Variants in NIPBL observed in about 807,000 individuals in gnomAD.
NIPBL encodes NIPBL cohesin loading factor.
A neutral mutation model predicts 321.8 loss-of-function variants in NIPBL; 19 were observed. That is an observed-to-expected ratio of 0.06 (90% CI 0.04 to 0.09). The LOEUF (loss-of-function observed/expected upper bound fraction) is 0.09, where lower values mean the gene tolerates loss of function less well. Ranked by LOEUF, NIPBL falls within the 10% of genes least tolerant of loss-of-function variation. The probability of loss-of-function intolerance (pLI) is 1.00; values close to 1 mark genes in which losing one functional copy is unlikely to be tolerated. For missense variants in NIPBL, 2,210 were observed against 3,327.0 expected (o/e 0.66, Z 8.26); for synonymous variants, 1,106 against 1,114.1 (o/e 0.99, Z 0.14).
At chr5:36,990,581 T>TA (rs1266060986) in intron 10 of NIPBL, among the ~76,000 whole-genome samples, 1 of 152,216 alleles carries the variant, frequency 6.6e-6, no homozygotes, top group Non-Finnish European at 1.5e-5. Context: ...TAAAGATTGA[T>TA]ATCAGTGATA....
intron 5 of NIPBL, 44 bp from the exon 6 acceptor site, chr5:36,962,079 T>C (rs1335199805): frequency 6.2e-7 from 1 of 1,608,372 alleles, no homozygotes; most frequent in South Asian, 1.1e-5. Context: ...ATAGCGTGTT[T>C]ATTTTATTTC....
chr5:36,932,783 T>G (rs1049185568), intron 1 of NIPBL, among the ~76,000 whole-genome samples: 1 of 148,054 alleles, frequency 6.8e-6, no homozygotes, highest in East Asian at 1.9e-4. Flanking sequence ...CTGCTGTTTT[T>G]TTTTTTTTTT....
chr5:37,039,278 C>CT (rs1198118200), intron 34 of NIPBL, among the ~76,000 whole-genome samples: 5 of 150,424 alleles, frequency 3.3e-5, no homozygotes, highest in African/African-American at 1.2e-4. Flanking sequence ...TTCATACAGT[C>CT]TTTTTTAATT....
chr5:37,028,111 C>G lies in NIPBL; in HGVS notation c.5862+699C>G, dbSNP rs74427928. ...ATGCATAGAATTTCCTTTAGTAGTA[C>G]AGAGTCAAACCACAACTAGTGGGTT... On this transcript the variant is annotated intron_variant, in intron 32 of 46. Coordinates refer to ENST00000282516, the MANE Select transcript of NIPBL (RefSeq NM_133433.4). 1.6e-3 allele frequency among the ~76,000 whole-genome samples: 248 copies of G among 151,840 alleles called. 3 individuals are homozygous for G. The highest frequency in any genetic ancestry group is 5.8e-3 in the African/African-American group (241 of 41,412).
At chr5:37,032,768 C>CT (rs996855014) in intron 32 of NIPBL, among the ~76,000 whole-genome samples, 3 of 152,068 alleles carry the variant, frequency 2.0e-5, no homozygotes, top group Non-Finnish European at 4.4e-5. Context: ...GAGTGAGACT[C>CT]TATCTCACTC....
At chr5:36,915,229 A>G (rs1010020576) in intron 1 of NIPBL, among the ~76,000 whole-genome samples, 2 of 152,168 alleles carry the variant, frequency 1.3e-5, no homozygotes, top group African/African-American at 4.8e-5. Context: ...TGAAATCTAT[A>G]TAAACTTTAG....
chr5:36,940,713 AC>A (rs1738972727), intron 1 of NIPBL, among the ~76,000 whole-genome samples: 1 of 152,182 alleles, frequency 6.6e-6, no homozygotes, highest in African/African-American at 2.4e-5. Flanking sequence ...CTGGAATCAG[AC>A]TTGGGCAAGT....
In NIPBL at chr5:36,995,829, A is replaced by G. The variant is rs1315501199; in HGVS notation, c.3304+25A>G. 1.0e-5 allele frequency: 16 copies of G among 1,593,176 alleles called. 1 individual carries two copies. Among genetic ancestry groups the G allele is most frequent in the Non-Finnish European group, 1.1e-5 (13 of 1,161,860 alleles). ...TGTAAGTATCACAGAACTCTTTGTT[A>G]TTATTTTAGAGTTTAAAAGCAGGTT... On this transcript the variant is annotated intron_variant, in intron 11 of 46. Transcript: ENST00000282516.
At chr5:36,878,892 C>G (rs1026915140) in intron 1 of NIPBL, among the ~76,000 whole-genome samples, 8 of 151,920 alleles carry the variant, frequency 5.3e-5, no homozygotes, top group Admixed American at 2.6e-4. Context: ...TCCCTCCCTC[C>G]CACTAATCTC....
At chr5:37,058,025 C>A (rs1301586455) in intron 43 of NIPBL, among the ~76,000 whole-genome samples, 1 of 152,114 alleles carries the variant, frequency 6.6e-6, no homozygotes, top group Non-Finnish European at 1.5e-5. Flanking sequence ...GTAAATCAGA[C>A]AGATTATTTT....
At chr5:36,959,519 T>C (rs1040184687) in intron 4 of NIPBL, among the ~76,000 whole-genome samples, 1 of 152,152 alleles carries the variant, frequency 6.6e-6, no homozygotes, top group Non-Finnish European at 1.5e-5. Flanking sequence ...GAGACAGATA[T>C]AAATAATGAA....
At chr5:37,057,837 G>T (rs925382543) in intron 43 of NIPBL, among the ~76,000 whole-genome samples, 2 of 152,108 alleles carry the variant, frequency 1.3e-5, no homozygotes, top group Non-Finnish European at 2.9e-5. Context: ...CATTGTTTCT[G>T]TCATGACTTT....
chr5:36,947,183 T>C (rs1209929911), intron 1 of NIPBL, among the ~76,000 whole-genome samples: 1 of 152,120 alleles, frequency 6.6e-6, no homozygotes, highest in Non-Finnish European at 1.5e-5. Context: ...TGATCTATTA[T>C]AATGTAACTG....
At chr5:37,060,703 C>CT in intron 44 of NIPBL, 141 bp from the exon 45 acceptor site, 1 of 721,664 alleles carries the variant, frequency 1.4e-6, no homozygotes, top group Non-Finnish European at 2.3e-6. Flanking sequence ...TGTATTGAAG[C>CT]TGTCCTAGGA....
Position 37,036,495 on chromosome 5 carries a change from AT to A in NIPBL, c.5971+12del. ...ATGAGGAATCTCTAGCTGGTAAGAC[AT>A]TTTATATATATATTGATCTTTAGTT... On this transcript the variant is annotated intron_variant, in intron 33 of 46. Transcript: ENST00000282516. 9.0e-7 allele frequency: 1 copy of A among 1,112,584 alleles called. No individual in the cohort carries two copies. Among genetic ancestry groups the A allele is most frequent in the South Asian group, 1.6e-5 (1 of 61,636 alleles). 68.9% of individuals were successfully genotyped at this position (1,112,584 alleles called of 1,614,324 possible).
At chr5:36,893,612 C>T (rs1746509989) in intron 1 of NIPBL, among the ~76,000 whole-genome samples, 2 of 151,872 alleles carry the variant, frequency 1.3e-5, no homozygotes, top group South Asian at 4.2e-4. Context: ...GTGTGTTCAG[C>T]AATGAATACT....
intron 1 of NIPBL, among the ~76,000 whole-genome samples, chr5:36,903,460 A>G (rs1009163421): frequency 6.6e-6 from 1 of 152,124 alleles, no homozygotes; most frequent in Non-Finnish European, 1.5e-5. Context: ...ATATATTAGT[A>G]ATACCTATTA....
intron 21 of NIPBL, among the ~76,000 whole-genome samples, chr5:37,010,725 T>G (rs973838810): frequency 6.6e-6 from 1 of 152,146 alleles, no homozygotes; most frequent in Non-Finnish European, 1.5e-5. Context: ...ATAAAACATA[T>G]AAATCATTTT....
At chr5:36,926,438 C>T (rs1184657491) in intron 1 of NIPBL, among the ~76,000 whole-genome samples, 1 of 152,188 alleles carries the variant, frequency 6.6e-6, no homozygotes, top group Non-Finnish European at 1.5e-5. Context: ...TTGGTAGAGA[C>T]AGCCAAAAGG....
Sources: allele counts gnomAD v4.1 joint callset (sites outside exome capture counted in the v4.1 genomes callset), GRCh38; gene constraint gnomAD v4.1.1; transcripts MANE v1.5; gene names NCBI Gene and HGNC (gene_info 2026-07-23, HGNC 2026-07-21).